Variants in OPRM1 observed in about 807,000 individuals in gnomAD.
The protein encoded by OPRM1 is mu-type opioid receptor.
A neutral mutation model predicts 31.8 loss-of-function variants in OPRM1; 27 were observed. The observed-to-expected ratio is 0.85, with a 90% CI of 0.63 to 1.17. The LOEUF (loss-of-function observed/expected upper bound fraction) is 1.17, where lower values mean the gene tolerates loss of function less well. Among genes scored for constraint, OPRM1 ranks in the 50% most tolerant of loss-of-function variants. OPRM1 has a pLI of 0.00. For missense variants in OPRM1, 536 were observed against 511.1 expected, an observed-to-expected ratio of 1.05 and a Z score of -0.47; for synonymous variants, 196 against 189.9, an observed-to-expected ratio of 1.03 and a Z score of -0.26.
At chr6:154,216,314 G>C (rs1474262975) in intron 3 of OPRM1, among the ~76,000 whole-genome samples, 1 of 151,964 alleles carries the variant, frequency 6.6e-6, no homozygotes, top group East Asian at 1.9e-4. Context: ...ATGGGGGTGG[G>C]GGGTGGTTGT....
chr6:154,228,303 T>C (rs1043249784), intron 3 of OPRM1, among the ~76,000 whole-genome samples: 5 of 93,350 alleles, frequency 5.4e-5, no homozygotes, highest in African/African-American at 1.8e-4. Context: ...TTGTCTCTGT[T>C]TAAAAAAAAA....
chr6:154,181,806 T>C (rs1800900081), intron 3 of OPRM1, among the ~76,000 whole-genome samples: 1 of 152,160 alleles, frequency 6.6e-6, no homozygotes, highest in Admixed American at 6.5e-5. Context: ...TCAGATTACC[T>C]TCTTGGGGAC....
At chr6:154,135,373 G>A (rs1222805019), downstream of OPRM1, among the ~76,000 whole-genome samples, 2 of 152,128 alleles carry the variant, frequency 1.3e-5, no homozygotes. Context: ...GGAGGCTGAG[G>A]CAGGGAGAAT....
intron 3 of OPRM1, among the ~76,000 whole-genome samples, chr6:154,236,680 T>A (rs546919644): frequency 8.5e-5 from 13 of 152,332 alleles, no homozygotes; most frequent in Middle Eastern, 3.4e-3. Context: ...TGACCTGCTG[T>A]TAATGAGCAC....
intron 3 of OPRM1, chr6:154,246,548 C>G: frequency 6.4e-7 from 1 of 1,571,752 alleles, no homozygotes. Context: ...TAACGTATCC[C>G]TCATTAAAAC....
intron 1 of OPRM1, among the ~76,000 whole-genome samples, chr6:154,068,673 G>C (rs1397050200): frequency 6.6e-6 from 1 of 152,094 alleles, no homozygotes; most frequent in African/African-American, 2.4e-5. Context: ...ACATGGGAAC[G>C]TAGCTATCTC....
intron 3 of OPRM1, among the ~76,000 whole-genome samples, chr6:154,186,554 C>G (rs1238744052): frequency 6.7e-6 from 1 of 149,564 alleles, no homozygotes; most frequent in Non-Finnish European, 1.5e-5. Flanking sequence ...TCCTTTCTTT[C>G]TTTTTTTCTC....
chr6:154,018,488 A>G (rs1202246692), intron 1 of OPRM1, among the ~76,000 whole-genome samples: 2 of 148,744 alleles, frequency 1.3e-5, no homozygotes, highest in Admixed American at 6.8e-5. Flanking sequence ...CTCATTTTCT[A>G]TTGTGCCCCG....
At chr6:154,241,443 C>T (rs1031577118) in intron 3 of OPRM1, among the ~76,000 whole-genome samples, 2 of 151,954 alleles carry the variant, frequency 1.3e-5, no homozygotes, top group Non-Finnish European at 1.5e-5. Context: ...AAAAAGTAAG[C>T]GACGGTGAAT....
intron 1 of OPRM1, among the ~76,000 whole-genome samples, chr6:154,044,714 T>C (rs888890962): frequency 2.0e-5 from 3 of 152,144 alleles, no homozygotes; most frequent in African/African-American, 7.2e-5. Flanking sequence ...ATACAAATAA[T>C]TAATTGGTGT....
At chr6:154,224,708 C>G (rs1211759570) in intron 3 of OPRM1, among the ~76,000 whole-genome samples, 2 of 151,590 alleles carry the variant, frequency 1.3e-5, no homozygotes, top group Non-Finnish European at 2.9e-5. Flanking sequence ...GGGACTCTGT[C>G]TTAAAAAAAA....
At position 154,073,264 on chromosome 6, in the gene OPRM1, T is replaced by C. The variant is rs373755077; in HGVS notation, c.291-16562T>C. On this transcript the variant is annotated intron_variant, in intron 1 of 3. Transcript: ENST00000330432. ...GACTTCCACAGTGGTAGCAGGCATG[T>C]TAGTTTACTCTTTTATATCTTCCAG... is the stretch of plus-strand genomic sequence containing the variant. 3.9e-5 allele frequency among the ~76,000 whole-genome samples: 6 copies of C among 152,264 alleles called. No homozygotes were observed. In the South Asian group the frequency reaches 1.2e-3, roughly 32 times the overall value.
At chr6:154,083,884 C>T (rs111258618) in intron 1 of OPRM1, among the ~76,000 whole-genome samples, 23,377 of 139,828 alleles carry the variant, frequency 0.17, 1,896 homozygotes, top group African/African-American at 0.18. Flanking sequence ...GCGGAGCTTG[C>T]AGTGAGCCGA....
intron 1 of OPRM1, among the ~76,000 whole-genome samples, chr6:154,023,184 A>G (rs1355331978): frequency 6.6e-6 from 1 of 152,176 alleles, no homozygotes; most frequent in African/African-American, 2.4e-5. Flanking sequence ...ATACATGAAA[A>G]TGGAATATTT....
chr6:154,169,500 C>A (rs1279062576), intron 3 of OPRM1, among the ~76,000 whole-genome samples: 2 of 152,180 alleles, frequency 1.3e-5, no homozygotes, highest in Non-Finnish European at 2.9e-5. Flanking sequence ...CAGTGTGGGA[C>A]AAATAAGCCC....
chr6:154,110,483 A>C, intron 3 of OPRM1: 1 of 956,280 alleles, frequency 1.0e-6, no homozygotes, highest in East Asian at 2.6e-5. Flanking sequence ...TGCTAGCCCT[A>C]ATGGAGACCA....
chr6:154,065,820 G>A (rs186698317), intron 1 of OPRM1, among the ~76,000 whole-genome samples: 243 of 152,106 alleles, frequency 1.6e-3, no homozygotes, highest in African/African-American at 5.5e-3. Context: ...ACAGAAGTGG[G>A]GAAAGCAGCC....
At chr6:154,059,910 C>T (rs774379570) in intron 1 of OPRM1, among the ~76,000 whole-genome samples, 1 of 151,932 alleles carries the variant, frequency 6.6e-6, no homozygotes, top group Non-Finnish European at 1.5e-5. Flanking sequence ...TGTAAAAGAG[C>T]TTTTTTAATT....
chr6:154,115,582 T>C (rs950150063), intron 3 of OPRM1, among the ~76,000 whole-genome samples: 16 of 152,128 alleles, frequency 1.1e-4, no homozygotes, highest in African/African-American at 3.9e-4. Flanking sequence ...GTTGGACCCT[T>C]CCTTCTCTCC....
Sources: allele counts gnomAD v4.1 joint callset (sites outside exome capture counted in the v4.1 genomes callset), GRCh38; gene constraint gnomAD v4.1.1; transcripts MANE v1.5; gene names NCBI Gene and HGNC (gene_info 2026-07-23, HGNC 2026-07-21).